MTUS1: variants seen among roughly 807,000 people sequenced by gnomAD.
MTUS1 encodes microtubule-associated tumor suppressor 1.
Under a neutral mutation model 120.8 loss-of-function variants are expected in MTUS1, and 109 were observed. The ratio of observed to expected loss-of-function variants is 0.90; its 90% CI spans 0.77 to 1.06. The LOEUF (loss-of-function observed/expected upper bound fraction) is 1.06. MTUS1 is among the 50% of genes least tolerant of loss of function. The pLI, the probability that MTUS1 is intolerant of heterozygous loss-of-function variation, is 0.00. For synonymous variants in MTUS1, 737 were observed against 550.5 expected (o/e 1.34, Z -4.74); for missense variants, 2,210 against 1,486.3 (o/e 1.49, Z -8.01).
chr8:17,654,555 C>T lies in MTUS1; in HGVS notation c.3214+6G>A, dbSNP rs368004342. The T allele has an allele frequency of 1.2e-4, 190 of 1,579,892 alleles. No homozygotes were observed. In the African/African-American group the frequency reaches 2.2e-3, roughly 18 times the overall value. ...TCTGTTTAAAGAGGAAAAAAAGCAT[C>T]CTTGCCTGAAAGGGAGGCTTCATAG... On this transcript the variant is annotated splice_donor_region_variant and intron_variant, in intron 10 of 14. Coordinates refer to ENST00000693296, the MANE Select transcript of MTUS1 (RefSeq NM_001363059.2).
intron 8 of MTUS1, among the ~76,000 whole-genome samples, chr8:17,657,164 C>G (rs933425088): frequency 6.6e-6 from 1 of 151,568 alleles, no homozygotes; most frequent in African/African-American, 2.4e-5. Context: ...AAAATATTAG[C>G]CTCTATTAAA....
At chr8:17,779,531 G>A (rs1303698647) in intron 1 of MTUS1, among the ~76,000 whole-genome samples, 1 of 152,156 alleles carries the variant, frequency 6.6e-6, no homozygotes, top group Non-Finnish European at 1.5e-5. Context: ...TATTTAACAA[G>A]GTTTCCTGAA....
intron 6 of MTUS1, among the ~76,000 whole-genome samples, chr8:17,704,808 C>CTG (rs1819822165): frequency 6.6e-6 from 1 of 152,030 alleles, no homozygotes; most frequent in East Asian, 1.9e-4. Context: ...AAAAATGACA[C>CTG]TGGGATTTTG....
rs1371343289 is a variant in MTUS1 at position 17,684,364 on chromosome 8, C to T, written c.2802G>A (p.Glu934=). 1.2e-6 allele frequency: 2 copies of T among 1,614,176 alleles called. No individual in the cohort carries two copies. Among genetic ancestry groups the T allele is most frequent in the Non-Finnish European group, 1.7e-6 (2 of 1,180,018 alleles). ...GGTGCTGAATCACAACTGTCAATGC[C>T]TCAAACTTGGTATTACCACAGGCAA... ...QLLACGNTKF[E]ALTVVIQHLL... is the part of the protein sequence containing the mutation. The change falls in exon 7 of 15, where the codon GAG becomes GAA. Residue 934 remains glutamate (E), a synonymous_variant. Coordinates refer to ENST00000693296, the MANE Select transcript of MTUS1 (RefSeq NM_001363059.2).
At chr8:17,753,116 T>C (rs1295964100) in intron 2 of MTUS1, among the ~76,000 whole-genome samples, 1 of 152,216 alleles carries the variant, frequency 6.6e-6, no homozygotes, top group South Asian at 2.1e-4. Context: ...GGAATTAATA[T>C]ATTAAGGCTG....
intron 1 of MTUS1, among the ~76,000 whole-genome samples, chr8:17,791,567 G>T (rs572848653): frequency 3.3e-5 from 5 of 152,268 alleles, no homozygotes; most frequent in African/African-American, 1.2e-4. Flanking sequence ...AAAGATAAAA[G>T]TATCTACATT....
chr8:17,660,164 G>A (rs1005615986), intron 8 of MTUS1, among the ~76,000 whole-genome samples: 11 of 151,988 alleles, frequency 7.2e-5, no homozygotes, highest in African/African-American at 2.7e-4. Context: ...CTTGAGTTCA[G>A]GAGTTCGAGA....
rs1014405993 is a variant in MTUS1 at position 17,643,963 on chromosome 8, A to G, written c.*1963T>C. ...TTAAACAAAATCTTAAGAATTCTCTATTTTGTTTCCCATCTTCCCTCCTGT... is the reference window on the plus strand; with the variant it reads ...TTAAACAAAATCTTAAGAATTCTCTGTTTTGTTTCCCATCTTCCCTCCTGT... On this transcript the variant is annotated 3_prime_UTR_variant, in exon 15 of 15. Transcript: ENST00000693296. 4 of 152,162 alleles carry G rather than the reference A, an allele frequency of 2.6e-5. No homozygotes were observed. The highest frequency in any genetic ancestry group is 9.7e-5 in the African/African-American group (4 of 41,420). The allele number at this position is 152,162 out of a possible 1,614,324, so 9.4% of individuals were successfully genotyped here.
intron 13 of MTUS1, 138 bp downstream of exon 13, chr8:17,649,708 T>C (rs1806566475): frequency 1.6e-6 from 1 of 637,074 alleles, no homozygotes; most frequent in Admixed American, 2.5e-5. Flanking sequence ...GGAAAGAAAA[T>C]GTGAACTTTA....
intron 1 of MTUS1, among the ~76,000 whole-genome samples, chr8:17,775,100 G>C (rs2131477715): frequency 6.6e-6 from 1 of 152,144 alleles, no homozygotes; most frequent in South Asian, 2.1e-4. Flanking sequence ...CTGGGGCAGG[G>C]GAACATGGGG....
chr8:17,790,611 G>A (rs980822150), intron 1 of MTUS1, among the ~76,000 whole-genome samples: 3 of 151,992 alleles, frequency 2.0e-5, no homozygotes, highest in Non-Finnish European at 4.4e-5. Context: ...TTTAACATTC[G>A]GCTTTACGTT....
chr8:17,670,650 C>T (rs1164990954), intron 8 of MTUS1, among the ~76,000 whole-genome samples: 1 of 152,098 alleles, frequency 6.6e-6, no homozygotes, highest in African/African-American at 2.4e-5. Context: ...TGGTGAATCC[C>T]TGTCTCTACT....
intron 6 of MTUS1, among the ~76,000 whole-genome samples, chr8:17,689,269 G>T (rs1262695125): frequency 6.6e-6 from 1 of 152,100 alleles, no homozygotes; most frequent in African/African-American, 2.4e-5. Flanking sequence ...ATTTGTAGGG[G>T]GAGGGAGGAG....
At chr8:17,651,015 C>G (rs1411504361) in intron 12 of MTUS1, among the ~76,000 whole-genome samples, 1 of 152,148 alleles carries the variant, frequency 6.6e-6, no homozygotes, top group African/African-American at 2.4e-5. Context: ...TTACTTAATC[C>G]AAACCCCTTA....
At chr8:17,776,669 ACT>A (rs1355216492) in intron 1 of MTUS1, among the ~76,000 whole-genome samples, 1 of 105,262 alleles carries the variant, frequency 9.5e-6, no homozygotes, top group Admixed American at 1.2e-4. Flanking sequence ...ACTGAGTGAG[ACT>A]CTGTCTCAAA....
chr8:17,709,438 A>AT (rs1230140271), intron 6 of MTUS1, among the ~76,000 whole-genome samples: 1 of 151,906 alleles, frequency 6.6e-6, no homozygotes, highest in Non-Finnish European at 1.5e-5. Flanking sequence ...TTTTTATTTT[A>AT]TTTTTTTAAC....
At chr8:17,759,118 T>C (rs891117652) in intron 1 of MTUS1, among the ~76,000 whole-genome samples, 6 of 151,692 alleles carry the variant, frequency 4.0e-5, no homozygotes, top group African/African-American at 1.5e-4. Context: ...CCTGACCTCG[T>C]GATCCGCCCG....
intron 3 of MTUS1, among the ~76,000 whole-genome samples, chr8:17,734,764 A>G: frequency 6.6e-6 from 1 of 152,316 alleles, no homozygotes; most frequent in Middle Eastern, 3.4e-3. Context: ...TTTATTTACC[A>G]TCTGACACCT....
intron 6 of MTUS1, among the ~76,000 whole-genome samples, chr8:17,701,673 G>C (rs1363927893): frequency 6.6e-6 from 1 of 151,900 alleles, no homozygotes; most frequent in Non-Finnish European, 1.5e-5. Context: ...TCAGCCTCCT[G>C]AGTAGCTGGG....
Sources: allele counts gnomAD v4.1 joint callset (sites outside exome capture counted in the v4.1 genomes callset), GRCh38; gene constraint gnomAD v4.1.1; transcripts MANE v1.5; gene names NCBI Gene and HGNC (gene_info 2026-07-23, HGNC 2026-07-21).